Variants in PDZRN4 observed in about 807,000 individuals in gnomAD.
The protein encoded by PDZRN4 is PDZ domain-containing RING finger protein 4.
PDZRN4 carries 70 observed loss-of-function variants against 99.0 expected under a neutral mutation model. The observed-to-expected ratio is 0.71, with a 90% CI of 0.58 to 0.86. The LOEUF is 0.86. Ranked by LOEUF, PDZRN4 falls within the 40% of genes least tolerant of loss-of-function variation. The pLI is 0.00. For synonymous variants in PDZRN4, 551 were observed against 501.6 expected (o/e 1.10, Z -1.32); for missense variants, 1,474 against 1,331.2 (o/e 1.11, Z -1.67).
intron 3 of PDZRN4, among the ~76,000 whole-genome samples, chr12:41,203,593 T>C (rs1950830670): frequency 6.6e-6 from 1 of 151,962 alleles, no homozygotes; most frequent in Non-Finnish European, 1.5e-5. Context: ...CCCACAACAC[T>C]CTATGAGGTT....
At chr12:41,425,513 C>T (rs1350431) in intron 3 of PDZRN4, among the ~76,000 whole-genome samples, 32,040 of 151,808 alleles carry the variant, frequency 0.21, 3,746 homozygotes, top group Non-Finnish European at 0.27. Flanking sequence ...TACAGAATTT[C>T]CACACCAATG....
At position 41,506,576 on chromosome 12, in the gene PDZRN4, G is replaced by A. The variant is rs938840021; in HGVS notation, c.964G>A (p.Gly322Arg). 6.2e-7 allele frequency: 1 copy of A among 1,613,934 alleles called. No homozygotes were observed. The highest frequency in any genetic ancestry group is 1.1e-5 in the South Asian group (1 of 91,078). The change falls in exon 4 of 10, where the codon GGG becomes AGG. Residue 322 changes from glycine to arginine, a missense_variant. Gly to Arg is a moderately radical substitution (Grantham distance 125). Transcript: ENST00000402685. ...RRTPLSRPAY[G>R]MASEVQLMNA... ...AACACCTCTTAGTAGACCAGCCTAT[G>A]GGATGGCTTCAGAAGTGCAGCTTAT...
chr12:41,267,626 C>A (rs936205965), intron 3 of PDZRN4, among the ~76,000 whole-genome samples: 2 of 149,596 alleles, frequency 1.3e-5, no homozygotes, highest in African/African-American at 4.9e-5. Context: ...GTCAGGAGTT[C>A]GAGACCAGCC....
At chr12:41,540,828 G>T (rs1272739951) in intron 5 of PDZRN4, among the ~76,000 whole-genome samples, 1 of 151,258 alleles carries the variant, frequency 6.6e-6, no homozygotes, top group African/African-American at 2.4e-5. Flanking sequence ...CTTTTTCTTG[G>T]ACTGCAGCCC....
At chr12:41,450,727 G>T (rs534207737) in intron 3 of PDZRN4, among the ~76,000 whole-genome samples, 161 of 152,188 alleles carry the variant, frequency 1.1e-3, no homozygotes, top group Non-Finnish European at 1.9e-3. Flanking sequence ...TTTGAAACCA[G>T]CCTGGCCAAC....
intron 3 of PDZRN4, among the ~76,000 whole-genome samples, chr12:41,457,535 T>C (rs370300873): frequency 1.3e-5 from 2 of 152,318 alleles, no homozygotes; most frequent in African/African-American, 4.8e-5. Context: ...CAATGAGTTA[T>C]CTTTCTCTTC....
chr12:41,323,620 T>A (rs567890621), intron 3 of PDZRN4, among the ~76,000 whole-genome samples: 4 of 152,048 alleles, frequency 2.6e-5, no homozygotes, highest in Admixed American at 2.6e-4. Flanking sequence ...TTTATATAAT[T>A]TGAAATATAT....
intron 7 of PDZRN4, among the ~76,000 whole-genome samples, chr12:41,556,717 G>C (rs995483256): frequency 7.9e-5 from 12 of 152,212 alleles, no homozygotes; most frequent in African/African-American, 2.7e-4. Context: ...CTTTATGCAA[G>C]AGATAGTAAG....
chr12:41,359,123 A>G (rs1409139774), intron 3 of PDZRN4, among the ~76,000 whole-genome samples: 3 of 151,996 alleles, frequency 2.0e-5, no homozygotes, highest in East Asian at 1.9e-4. Flanking sequence ...TTTCTCGTTC[A>G]GAATTATTAT....
chr12:41,411,067 A>ATATATATATATATATATATAT (rs34064559), intron 3 of PDZRN4, among the ~76,000 whole-genome samples: 2 of 140,436 alleles, frequency 1.4e-5, no homozygotes, highest in Admixed American at 7.1e-5. Context: ...ATATATATAT[A>ATATATATATATATATATATAT]TTTTTTTTTT....
chr12:41,446,524 T>C (rs1187630482), intron 3 of PDZRN4, among the ~76,000 whole-genome samples: 1 of 106,078 alleles, frequency 9.4e-6, no homozygotes, highest in East Asian at 2.6e-4. Flanking sequence ...AGAATTTAGA[T>C]GGTTTTTTTT....
intron 3 of PDZRN4, among the ~76,000 whole-genome samples, chr12:41,214,252 TAAAAAAAAAAAAAAA>T: frequency 1.2e-5 from 1 of 84,782 alleles, no homozygotes; most frequent in Non-Finnish European, 2.2e-5. Flanking sequence ...ACCCTGTATT[TAAAAAAAAAAAAAAA>T]AAAAAAAAAA....
At chr12:41,305,717 G>T (rs1235229038) in intron 3 of PDZRN4, among the ~76,000 whole-genome samples, 2 of 152,144 alleles carry the variant, frequency 1.3e-5, no homozygotes, top group Non-Finnish European at 2.9e-5. Flanking sequence ...ATACACATTT[G>T]TTTGTGGGGG....
chr12:41,544,668 A>G (rs886373570), intron 5 of PDZRN4, among the ~76,000 whole-genome samples: 2 of 152,258 alleles, frequency 1.3e-5, no homozygotes, highest in Non-Finnish European at 2.9e-5. Flanking sequence ...TAAAAAAAGA[A>G]AGAAAAATAA....
chr12:41,296,769 G>A (rs1345758317), intron 3 of PDZRN4, among the ~76,000 whole-genome samples: 1 of 152,108 alleles, frequency 6.6e-6, no homozygotes, highest in Admixed American at 6.6e-5. Flanking sequence ...AAACCAGCCT[G>A]GGCAACATGG....
At chr12:41,493,238 G>A (rs1016056403) in intron 3 of PDZRN4, among the ~76,000 whole-genome samples, 8 of 152,092 alleles carry the variant, frequency 5.3e-5, no homozygotes, top group Admixed American at 1.3e-4. Context: ...TAAAATCATC[G>A]GAGATGCAAA....
chr12:41,230,183 G>C (rs1456173831), intron 3 of PDZRN4, among the ~76,000 whole-genome samples: 2 of 151,908 alleles, frequency 1.3e-5, no homozygotes, highest in Admixed American at 6.6e-5. Context: ...GCTTTAAGTT[G>C]ATCAAGCAGA....
At chr12:41,413,964 C>T (rs1952420749) in intron 3 of PDZRN4, among the ~76,000 whole-genome samples, 1 of 152,114 alleles carries the variant, frequency 6.6e-6, no homozygotes, top group South Asian at 2.1e-4. Flanking sequence ...TCTTTCAACT[C>T]CATGTTTAGA....
chr12:41,244,266 C>G (rs1397208050), intron 3 of PDZRN4, among the ~76,000 whole-genome samples: 6 of 152,180 alleles, frequency 3.9e-5, no homozygotes, highest in Non-Finnish European at 7.4e-5. Flanking sequence ...ATCTCACCAT[C>G]TACACTAAGC....
Sources: gnomAD v4.1 joint callset for allele counts (sites outside exome capture counted in the v4.1 genomes callset) on GRCh38, gnomAD v4.1.1 for gene constraint, MANE v1.5 for transcripts, NCBI Gene and HGNC (gene_info 2026-07-23, HGNC 2026-07-21) for gene names.